Variants in CRB1 observed in about 807,000 individuals in gnomAD.
The protein encoded by CRB1 is protein crumbs homolog 1.
In CRB1, 83 loss-of-function variants were observed where a neutral mutation model predicts 120.0. That is an observed-to-expected ratio of 0.69 (90% confidence interval 0.58 to 0.83). The LOEUF is 0.83. Among genes scored for constraint, CRB1 ranks in the 40% least tolerant of loss-of-function variants. The pLI is 0.00. For missense variants in CRB1, 1,699 were observed against 1,687.6 expected (o/e 1.01, Z -0.12); for synonymous variants, 625 against 612.5 (o/e 1.02, Z -0.30).
chr1:197,427,424 T>C (rs745731215), intron 6 of CRB1, 30 bp from the exon 7 acceptor site: 36 of 1,607,356 alleles, frequency 2.2e-5, no homozygotes, highest in Non-Finnish European at 2.9e-5. Context: ...TTCTTTTTTT[T>C]TCTCCTCCTC....
intron 5 of CRB1, among the ~76,000 whole-genome samples, chr1:197,416,164 A>C (rs1461363745): frequency 6.6e-6 from 1 of 152,098 alleles, no homozygotes; most frequent in Non-Finnish European, 1.5e-5. Context: ...AATTTGTCTT[A>C]CTTTTCCTTT....
intron 1 of CRB1, among the ~76,000 whole-genome samples, chr1:197,322,380 T>G (rs1332542311): frequency 1.3e-5 from 2 of 151,794 alleles, no homozygotes; most frequent in African/African-American, 4.8e-5. Flanking sequence ...TGAGAATACC[T>G]TGAACCCAGG....
chr1:197,446,117 G>A (rs1447935624), intron 11 of CRB1, among the ~76,000 whole-genome samples: 1 of 151,984 alleles, frequency 6.6e-6, no homozygotes, highest in Non-Finnish European at 1.5e-5. Flanking sequence ...TTTAACCCGG[G>A]AGGTGGAGGT....
chr1:197,355,346 A>G (rs1660405172), intron 4 of CRB1, among the ~76,000 whole-genome samples: 1 of 152,204 alleles, frequency 6.6e-6, no homozygotes, highest in Non-Finnish European at 1.5e-5. Flanking sequence ...AGTGGATCCC[A>G]CGCAGGGGCC....
chr1:197,254,746 AT>A, the CRB1 span, among the ~76,000 whole-genome samples: 2 of 152,168 alleles, frequency 1.3e-5, no homozygotes, highest in Non-Finnish European at 2.9e-5. Context: ...GTAAGTTTAT[AT>A]ATGCCAGTAA....
intron 5 of CRB1, among the ~76,000 whole-genome samples, chr1:197,420,514 G>A (rs1468874902): frequency 6.6e-6 from 1 of 152,132 alleles, no homozygotes; most frequent in Non-Finnish European, 1.5e-5. Flanking sequence ...TATATTTCTG[G>A]CAAACTTTTA....
At chr1:197,251,406 G>C in the CRB1 span, among the ~76,000 whole-genome samples, 1 of 151,962 alleles carries the variant, frequency 6.6e-6, no homozygotes, top group Non-Finnish European at 1.5e-5. Context: ...AAACGGGCTT[G>C]AGAAACAGGT....
At chr1:197,351,680 A>G (rs1660119724) in intron 4 of CRB1, among the ~76,000 whole-genome samples, 1 of 152,148 alleles carries the variant, frequency 6.6e-6, no homozygotes, top group African/African-American at 2.4e-5. Context: ...GTTTGAAGAG[A>G]TGAGCCTGTT....
intron 4 of CRB1, among the ~76,000 whole-genome samples, chr1:197,347,838 G>A (rs1659864352): frequency 1.1e-5 from 1 of 89,998 alleles, no homozygotes; most frequent in Non-Finnish European, 3.1e-5. Flanking sequence ...ATGAAATAAT[G>A]TTAAACTATT....
intron 1 of CRB1, among the ~76,000 whole-genome samples, chr1:197,277,903 A>G (rs1312405537): frequency 1.7e-4 from 26 of 151,936 alleles, no homozygotes; most frequent in Admixed American, 1.7e-3. Flanking sequence ...ATAGACATTG[A>G]TGAGCAGAGT....
At chr1:197,354,557 AAG>A (rs1041897436) in intron 4 of CRB1, among the ~76,000 whole-genome samples, 82 of 152,168 alleles carry the variant, frequency 5.4e-4, no homozygotes, top group African/African-American at 1.9e-3. Context: ...TACAACTCTT[AAG>A]ATGGCACGTC....
intron 5 of CRB1, among the ~76,000 whole-genome samples, chr1:197,392,363 A>G (rs1662550591): frequency 6.6e-6 from 1 of 152,160 alleles, no homozygotes; most frequent in Non-Finnish European, 1.5e-5. Flanking sequence ...TGGCTGAATG[A>G]GAAAACCAGG....
chr1:197,320,162 A>G (rs1276969572), intron 1 of CRB1, among the ~76,000 whole-genome samples: 2 of 152,238 alleles, frequency 1.3e-5, no homozygotes, highest in Non-Finnish European at 2.9e-5. Flanking sequence ...TGCATTTCAT[A>G]GTATTCACCA....
intron 11 of CRB1, among the ~76,000 whole-genome samples, chr1:197,467,339 T>C (rs1327487318): frequency 6.6e-6 from 1 of 152,064 alleles, no homozygotes; most frequent in Non-Finnish European, 1.5e-5. Context: ...TTTTTTTTGC[T>C]CAGTAATTAG....
At chr1:197,220,418 C>T in the CRB1 span, among the ~76,000 whole-genome samples, 8 of 152,178 alleles carry the variant, frequency 5.3e-5, no homozygotes, top group African/African-American at 1.9e-4. Context: ...GAGAACAAAC[C>T]GTCCCTGACA....
At chr1:197,366,724 A>T (rs1172524104) in intron 5 of CRB1, among the ~76,000 whole-genome samples, 1 of 152,196 alleles carries the variant, frequency 6.6e-6, no homozygotes, top group Non-Finnish European at 1.5e-5. Flanking sequence ...AGGAGGATTA[A>T]CTTTTATTCA....
chr1:197,437,788 GTTATCTGATACCA>G (rs1396522292), intron 9 of CRB1, among the ~76,000 whole-genome samples: 1 of 152,102 alleles, frequency 6.6e-6, no homozygotes, highest in Non-Finnish European at 1.5e-5. Flanking sequence ...ATATTTATTA[GTTATCTGATACCA>G]TGCACATACA....
At chr1:197,370,137 G>A (rs933247696) in intron 5 of CRB1, among the ~76,000 whole-genome samples, 1 of 151,984 alleles carries the variant, frequency 6.6e-6, no homozygotes, top group Non-Finnish European at 1.5e-5. Context: ...TACAAGAACT[G>A]CTAAAAAGCA....
chr1:197,224,046 G>A, the CRB1 span, among the ~76,000 whole-genome samples: 1 of 152,054 alleles, frequency 6.6e-6, no homozygotes, highest in African/African-American at 2.4e-5. Context: ...AAGTGGATGA[G>A]TTCTACTTTT....
Sources: gnomAD v4.1 joint callset for allele counts (sites outside exome capture counted in the v4.1 genomes callset) on GRCh38, gnomAD v4.1.1 for gene constraint, MANE v1.5 for transcripts, NCBI Gene and HGNC (gene_info 2026-07-23, HGNC 2026-07-21) for gene names.